The following CNTNAP5 variants were observed in gnomAD, a reference collection of about 807,000 sequenced individuals.
CNTNAP5 encodes contactin associated protein family member 5.
CNTNAP5 carries 72 observed loss-of-function variants against 150.2 expected under a neutral mutation model. The ratio of observed to expected loss-of-function variants is 0.48; its 90% confidence interval spans 0.40 to 0.58. CNTNAP5 has a LOEUF of 0.58. Ranked by LOEUF, CNTNAP5 falls within the 20% of genes least tolerant of loss-of-function variation. The pLI is 0.00. For missense variants in CNTNAP5, 1,636 were observed against 1,626.2 expected (o/e 1.01, Z -0.10); for synonymous variants, 672 against 619.8 (o/e 1.08, Z -1.25).
At chr2:124,815,680 G>T (rs968073771) in intron 19 of CNTNAP5, among the ~76,000 whole-genome samples, 3 of 152,030 alleles carry the variant, frequency 2.0e-5, no homozygotes, top group African/African-American at 7.3e-5. Context: ...GCTGAAAATA[G>T]CGTCATGAAA....
intron 3 of CNTNAP5, among the ~76,000 whole-genome samples, chr2:124,265,368 A>G (rs1687578690): frequency 6.6e-6 from 1 of 152,052 alleles, no homozygotes; most frequent in African/African-American, 2.4e-5. Flanking sequence ...CACTCTAATT[A>G]TGCTAATAAC....
chr2:124,419,943 TC>T, intron 4 of CNTNAP5, among the ~76,000 whole-genome samples: 1 of 129,206 alleles, frequency 7.7e-6, no homozygotes, highest in Non-Finnish European at 1.6e-5. Context: ...TTTCTTTCTT[TC>T]TTTCTTTCTT....
chr2:124,347,048 A>G (rs1480076249), intron 3 of CNTNAP5, among the ~76,000 whole-genome samples: 2 of 152,014 alleles, frequency 1.3e-5, no homozygotes, highest in Non-Finnish European at 2.9e-5. Flanking sequence ...AGATCATGCC[A>G]CTGCACTCCA....
chr2:124,730,455 T>A (rs768104497), intron 13 of CNTNAP5, among the ~76,000 whole-genome samples: 2 of 152,020 alleles, frequency 1.3e-5, no homozygotes, highest in Non-Finnish European at 2.9e-5. Flanking sequence ...CTACCAATCA[T>A]CCCTGCCCTT....
rs550831636 is a variant in CNTNAP5, at chr2:124,618,699, G to GA, written c.1876+8782dup. Among the ~76,000 whole-genome samples, 67 of 152,284 alleles carry GA rather than the reference G, an allele frequency of 4.4e-4. 1 individual carries two copies. The South Asian group carries it at 0.012, about 28-fold the overall frequency. On this transcript the variant is annotated intron_variant, in intron 12 of 23. Coordinates refer to ENST00000682447, the MANE Select transcript of CNTNAP5 (RefSeq NM_001367498.1). The stretch of plus-strand genomic sequence containing the variant: ...GCACAGAGAAGGCTGGAGATGTGCA[G>GA]AAAGTGGAACTGGTGGGGCAAGTGG...
chr2:124,106,994 A>G (rs1683184537), intron 1 of CNTNAP5, among the ~76,000 whole-genome samples: 1 of 152,220 alleles, frequency 6.6e-6, no homozygotes, highest in Non-Finnish European at 1.5e-5. Context: ...CGTTGTGAAT[A>G]AAACAGTTCA....
chr2:124,735,636 G>A (rs1284533422), intron 13 of CNTNAP5, among the ~76,000 whole-genome samples: 1 of 152,042 alleles, frequency 6.6e-6, no homozygotes, highest in Non-Finnish European at 1.5e-5. Flanking sequence ...AAAATATATA[G>A]TACTCTTTTA....
intron 1 of CNTNAP5, among the ~76,000 whole-genome samples, chr2:124,066,629 C>A (rs1463791970): frequency 4.0e-5 from 6 of 150,514 alleles, no homozygotes; most frequent in Non-Finnish European, 7.4e-5. Flanking sequence ...GTGCTTCTAA[C>A]TGGCACTGAA....
At chr2:124,157,341 A>T (rs1158585750) in intron 1 of CNTNAP5, among the ~76,000 whole-genome samples, 1 of 152,220 alleles carries the variant, frequency 6.6e-6, no homozygotes, top group African/African-American at 2.4e-5. Context: ...ATAAAAATTC[A>T]GTAACACCTG....
rs2104774970 is a variant in CNTNAP5, at chr2:124,917,424, G to A, written c.*3136G>A. On this transcript the variant is annotated 3_prime_UTR_variant, in exon 24 of 24. Transcript: ENST00000682447. ...ATTTATTGCATATATAGCCTCAATTGCCATCTTTATGAAAATTTGTCTGGA... is the reference window on the plus strand; with the variant it reads ...ATTTATTGCATATATAGCCTCAATTACCATCTTTATGAAAATTTGTCTGGA... Among the ~76,000 whole-genome samples, 1 of 151,998 alleles carries A rather than the reference G, an allele frequency of 6.6e-6. No individual in the cohort carries two copies. The highest frequency in any genetic ancestry group is 1.9e-4 in the East Asian group (1 of 5,138).
At chr2:124,330,325 C>T (rs549789116) in intron 3 of CNTNAP5, among the ~76,000 whole-genome samples, 1 of 152,276 alleles carries the variant, frequency 6.6e-6, no homozygotes, top group Admixed American at 6.5e-5. Flanking sequence ...ACTTAATGAA[C>T]TTATGCAAAT....
intron 19 of CNTNAP5, among the ~76,000 whole-genome samples, chr2:124,835,422 C>T (rs183699203): frequency 4.7e-4 from 71 of 152,282 alleles, no homozygotes; most frequent in Middle Eastern, 3.4e-3. Context: ...CCATTTCAAA[C>T]TGCCAGGATT....
chr2:124,314,506 G>A (rs1238570818), intron 3 of CNTNAP5, among the ~76,000 whole-genome samples: 1 of 152,254 alleles, frequency 6.6e-6, no homozygotes, highest in East Asian at 1.9e-4. Flanking sequence ...TTATTTTCAT[G>A]TGGATAATGG....
chr2:124,780,393 C>A (rs73955808), intron 17 of CNTNAP5, among the ~76,000 whole-genome samples: 4,734 of 152,240 alleles, frequency 0.031, 243 homozygotes, highest in African/African-American at 0.11. Flanking sequence ...TCCCTCCCTA[C>A]GCTGGATTTT....
chr2:124,042,782 T>TCATCTATCTATC (rs1442499133), intron 1 of CNTNAP5, among the ~76,000 whole-genome samples: 6 of 131,318 alleles, frequency 4.6e-5, no homozygotes, highest in African/African-American at 1.7e-4. Flanking sequence ...TAACTCTCTA[T>TCATCTATCTATC]CATCTATCTA....
At chr2:124,145,825 A>AAAAAAAAAAAATAAAAAAAAAAAAAC (rs1684231867) in intron 1 of CNTNAP5, among the ~76,000 whole-genome samples, 1 of 2,136 alleles carries the variant, frequency 4.7e-4, no homozygotes, top group African/African-American at 6.3e-4. Flanking sequence ...AAAAAAAAAA[A>AAAAAAAAAAAATAAAAAAAAAAAAAC]AAAGAAGAAA....
At chr2:124,114,442 G>A (rs554874025) in intron 1 of CNTNAP5, among the ~76,000 whole-genome samples, 107 of 151,656 alleles carry the variant, frequency 7.1e-4, no homozygotes, top group Middle Eastern at 3.4e-3. Context: ...ACTGGTATAC[G>A]GAAGTAAATT....
chr2:124,849,167 G>T (rs1683106558), intron 19 of CNTNAP5, among the ~76,000 whole-genome samples: 1 of 151,966 alleles, frequency 6.6e-6, no homozygotes, highest in African/African-American at 2.4e-5. Context: ...TTTGTATGTG[G>T]ATCCAACTTA....
At chr2:124,207,680 G>A (rs900331101) in intron 1 of CNTNAP5, among the ~76,000 whole-genome samples, 4 of 152,014 alleles carry the variant, frequency 2.6e-5, no homozygotes, top group Admixed American at 6.6e-5. Context: ...ATTGCTTTCC[G>A]GTATGTCTTT....
Sources: allele counts gnomAD v4.1 joint callset (sites outside exome capture counted in the v4.1 genomes callset), GRCh38; gene constraint gnomAD v4.1.1; transcripts MANE v1.5; gene names NCBI Gene and HGNC (gene_info 2026-07-23, HGNC 2026-07-21).